Variants in ANKRD44 observed in about 807,000 individuals in gnomAD.
The protein encoded by ANKRD44 is serine/threonine-protein phosphatase 6 regulatory ankyrin repeat subunit B.
A neutral mutation model predicts 116.0 loss-of-function variants in ANKRD44; 35 were observed. That is an observed-to-expected ratio of 0.30 (90% CI 0.23 to 0.40). ANKRD44 has a LOEUF of 0.40. Among genes scored for constraint, ANKRD44 ranks in the 10% least tolerant of loss-of-function variants. The pLI is 1.00. For missense variants in ANKRD44, 1,014 were observed against 1,242.6 expected (o/e 0.82, Z 2.77); for synonymous variants, 435 against 461.8 (o/e 0.94, Z 0.74).
intron 25 of ANKRD44, 76 bp downstream of exon 25, chr2:196,998,261 G>A (rs1475696089): frequency 6.3e-6 from 7 of 1,118,998 alleles, no homozygotes; most frequent in South Asian, 1.3e-5. Context: ...ACACAGTTCC[G>A]AGGTAGAATT....
At chr2:197,103,322 C>A (rs2078346713) in intron 9 of ANKRD44, among the ~76,000 whole-genome samples, 1 of 151,322 alleles carries the variant, frequency 6.6e-6, no homozygotes, top group Non-Finnish European at 1.5e-5. Flanking sequence ...ACCCTGGTAA[C>A]AAAGAAATTG....
intron 1 of ANKRD44, among the ~76,000 whole-genome samples, chr2:197,287,836 A>G (rs1350899640): frequency 6.6e-6 from 1 of 151,878 alleles, no homozygotes; most frequent in African/African-American, 2.4e-5. Context: ...CCTGGCCAAC[A>G]TGGTGAAACC....
intron 2 of ANKRD44, among the ~76,000 whole-genome samples, chr2:197,150,642 A>C (rs1050627703): frequency 1.3e-5 from 2 of 152,190 alleles, no homozygotes; most frequent in Admixed American, 1.3e-4. Flanking sequence ...AATCAGGAGG[A>C]AAATGTGACG....
chr2:197,023,598 A>G (rs2076537952), intron 17 of ANKRD44, among the ~76,000 whole-genome samples: 1 of 152,184 alleles, frequency 6.6e-6, no homozygotes, highest in African/African-American at 2.4e-5. Flanking sequence ...ACGAGAGATG[A>G]TCAAGTCTTT....
chr2:197,092,964 T>C (rs1439684368), intron 10 of ANKRD44, among the ~76,000 whole-genome samples: 2 of 152,170 alleles, frequency 1.3e-5, no homozygotes, highest in African/African-American at 4.8e-5. Flanking sequence ...GGCAAAACTA[T>C]GTGATTAAAT....
intron 1 of ANKRD44, among the ~76,000 whole-genome samples, chr2:197,277,182 C>T (rs1454970703): frequency 6.6e-6 from 1 of 151,860 alleles, no homozygotes; most frequent in Non-Finnish European, 1.5e-5. Flanking sequence ...CCACCTCGGC[C>T]TCCCAAAGGA....
At chr2:197,105,008 T>A (rs777779607) in intron 9 of ANKRD44, among the ~76,000 whole-genome samples, 1 of 152,224 alleles carries the variant, frequency 6.6e-6, no homozygotes, top group Admixed American at 6.5e-5. Context: ...GAATCCCTTT[T>A]TAACTGACTG....
At chr2:197,033,737 C>T (rs1461623696) in intron 16 of ANKRD44, among the ~76,000 whole-genome samples, 1 of 146,124 alleles carries the variant, frequency 6.8e-6, no homozygotes, top group Admixed American at 6.8e-5. Context: ...AGATTTTCTT[C>T]TTTGTTTTCT....
At chr2:196,989,811 T>C in intron 27 of ANKRD44, 162 bp from the exon 28 acceptor site, 1 of 1,401,050 alleles carries the variant, frequency 7.1e-7, no homozygotes. Context: ...TGACCTTGAC[T>C]GAGAAGCTCA....
At chr2:197,284,322 T>G (rs772071592) in intron 1 of ANKRD44, among the ~76,000 whole-genome samples, 1 of 152,166 alleles carries the variant, frequency 6.6e-6, no homozygotes, top group Non-Finnish European at 1.5e-5. Flanking sequence ...AGGACATTCA[T>G]GTTCTATGAC....
chr2:196,974,177 G>A (rs189532217), intron 21 of ANKRD44, among the ~76,000 whole-genome samples: 11 of 151,988 alleles, frequency 7.2e-5, no homozygotes, highest in African/African-American at 2.4e-4. Context: ...CTATCTCCGA[G>A]GCTTAAGCAA....
chr2:197,067,366 G>A (rs2077456485), intron 16 of ANKRD44, among the ~76,000 whole-genome samples: 1 of 152,176 alleles, frequency 6.6e-6, no homozygotes, highest in Non-Finnish European at 1.5e-5. Context: ...TCAGGACATA[G>A]GCCTGGGCAA....
chr2:197,125,480 C>G lies in ANKRD44; in HGVS notation c.463-12G>C. The G allele has an allele frequency of 6.2e-7, 1 of 1,610,992 alleles. No homozygotes were observed. Among genetic ancestry groups the G allele is most frequent in the East Asian group, 2.2e-5 (1 of 44,880 alleles). ...AGTAAATTGACCATCTGAAAGATAA[C>G]CAACAATGAAATCAAGCATACATTC... On this transcript the variant is annotated splice_polypyrimidine_tract_variant and intron_variant, in intron 5 of 27. Coordinates refer to ENST00000282272, the MANE Select transcript of ANKRD44 (RefSeq NM_001195144.2).
intron 2 of ANKRD44, among the ~76,000 whole-genome samples, chr2:197,158,672 T>C (rs2079881807): frequency 3.3e-5 from 5 of 152,082 alleles, no homozygotes; most frequent in Admixed American, 3.3e-4. Flanking sequence ...AAGCTAGAAT[T>C]ACAAAATATT....
Position 196,987,704 on chromosome 2 carries a change from T to C in ANKRD44, c.*1887A>G, listed in dbSNP as rs566037307. ...ATTTTAGGCAATTTGGAGATAGTAATGTATTTAGCAAAGACAGGCAGACAC... is the reference window on the plus strand; with the variant it reads ...ATTTTAGGCAATTTGGAGATAGTAACGTATTTAGCAAAGACAGGCAGACAC... On this transcript the variant is annotated 3_prime_UTR_variant, in exon 28 of 28. Coordinates refer to ENST00000282272, the MANE Select transcript of ANKRD44 (RefSeq NM_001195144.2). 1 of 985,424 alleles carries C rather than the reference T, an allele frequency of 1.0e-6. No homozygotes were observed. The highest frequency in any genetic ancestry group is 4.7e-5 in the South Asian group (1 of 21,288). 61.0% of individuals were successfully genotyped at this position (985,424 alleles called of 1,614,324 possible). A position where few individuals can be genotyped will look rare whatever the true frequency, so the allele number is the denominator to read the frequency against.
intron 1 of ANKRD44, among the ~76,000 whole-genome samples, chr2:197,270,644 G>A (rs1277226252): frequency 6.6e-6 from 1 of 152,224 alleles, no homozygotes; most frequent in Non-Finnish European, 1.5e-5. Context: ...ATTGTAGGCA[G>A]TGTCTGAGCC....
chr2:197,238,743 C>T (rs1332284785), intron 1 of ANKRD44, among the ~76,000 whole-genome samples: 3 of 151,804 alleles, frequency 2.0e-5, no homozygotes, highest in Non-Finnish European at 4.4e-5. Flanking sequence ...CTCACTCTGT[C>T]ACCCAGGCTG....
intron 1 of ANKRD44, among the ~76,000 whole-genome samples, chr2:197,246,532 T>G (rs2697292): frequency 0.44 from 66,641 of 151,076 alleles, 17,236 homozygotes; most frequent in African/African-American, 0.72. Flanking sequence ...TGCCCAGCCA[T>G]CCCTACAATG....
intron 1 of ANKRD44, among the ~76,000 whole-genome samples, chr2:197,310,026 T>C (rs889378550): frequency 3.3e-5 from 5 of 151,692 alleles, no homozygotes; most frequent in African/African-American, 1.2e-4. Flanking sequence ...TCTCCAGGGG[T>C]CCCCATCCCG....
Sources: allele counts gnomAD v4.1 joint callset (sites outside exome capture counted in the v4.1 genomes callset), GRCh38; gene constraint gnomAD v4.1.1; transcripts MANE v1.5; gene names NCBI Gene and HGNC (gene_info 2026-07-23, HGNC 2026-07-21).